Variants in ATP6V1C2 observed in about 807,000 individuals in gnomAD.
ATP6V1C2 encodes V-type proton ATPase subunit C 2.
ATP6V1C2 carries 45 observed loss-of-function variants against 56.8 expected under a neutral mutation model. The ratio of observed to expected loss-of-function variants is 0.79; its 90% CI spans 0.62 to 1.02. ATP6V1C2 has a LOEUF of 1.02. Ranked by LOEUF, ATP6V1C2 falls within the 50% of genes least tolerant of loss-of-function variation. ATP6V1C2 has a pLI of 0.00. For missense variants in ATP6V1C2, 463 were observed against 519.7 expected (o/e 0.89, Z 1.06); for synonymous variants, 220 against 201.3 (o/e 1.09, Z -0.79).
intron 3 of ATP6V1C2, among the ~76,000 whole-genome samples, chr2:10,735,400 C>A (rs911617654): frequency 6.6e-6 from 1 of 152,098 alleles, no homozygotes; most frequent in South Asian, 2.1e-4. Context: ...GAACTCCTGA[C>A]CTCATGTGAT....
At position 10,780,999 on chromosome 2, in the gene ATP6V1C2, G is replaced by GC. The variant is rs770980797; in HGVS notation, c.1062-1238dup. On this transcript the variant is annotated intron_variant, in intron 12 of 13. Coordinates refer to ENST00000272238, the MANE Select transcript of ATP6V1C2 (RefSeq NM_001039362.2). This position sits in a 1 kb window ranked among gnomAD's most constrained non-coding sequence, Gnocchi z 4.1. ...ACCTCAGGTGATCCAGCCTGCCTTGGCCCCCCAAAGTGCTGGGATTACAGG... is the reference window on the plus strand; with the variant it reads ...ACCTCAGGTGATCCAGCCTGCCTTGGCCCCCCCAAAGTGCTGGGATTACAGG... 5.3e-5 allele frequency among the ~76,000 whole-genome samples: 8 copies of GC among 152,112 alleles called. No homozygotes were observed. The highest frequency in any genetic ancestry group is 1.2e-4 in the Non-Finnish European group (8 of 68,028).
rs147882132 is a variant in ATP6V1C2 at position 10,784,969 on chromosome 2, C to G, written c.*1706C>G. 5 of 1,592,844 alleles carry G rather than the reference C, an allele frequency of 3.1e-6. No homozygotes were observed. Among genetic ancestry groups the G allele is most frequent in the African/African-American group, 1.3e-5 (1 of 74,708 alleles). On this transcript the variant is annotated 3_prime_UTR_variant, in exon 14 of 14. Coordinates refer to ENST00000272238, the MANE Select transcript of ATP6V1C2 (RefSeq NM_001039362.2). The stretch of plus-strand genomic sequence containing the variant: ...CTGCCGTCCCAAGGCTCTCTCTCAA[C>G]GATGGTAGGGAAAGCCCCGCCTCCT...
chr2:10,721,392 A>C (rs1661345532), upstream of ATP6V1C2, among the ~76,000 whole-genome samples: 2 of 152,060 alleles, frequency 1.3e-5, no homozygotes, highest in Admixed American at 1.3e-4. Flanking sequence ...GTCGTGCGGC[A>C]GGAGACCCCG....
intron 3 of ATP6V1C2, among the ~76,000 whole-genome samples, chr2:10,742,737 G>A (rs1178848286): frequency 2.6e-5 from 4 of 152,162 alleles, no homozygotes; most frequent in East Asian, 1.9e-4. Flanking sequence ...ACCCCTGAAC[G>A]CCTTGGGGTC....
chr2:10,727,853 G>A (rs932971154), intron 3 of ATP6V1C2, among the ~76,000 whole-genome samples: 6 of 152,086 alleles, frequency 3.9e-5, no homozygotes, highest in South Asian at 2.1e-4. Context: ...GCAGTGAGCC[G>A]AGATCGCGCC....
In ATP6V1C2 at chr2:10,768,755, A is replaced by G. The variant is rs1459165985; in HGVS notation, c.415A>G (p.Thr139Ala). 1.2e-6 allele frequency: 2 copies of G among 1,613,918 alleles called. No individual in the cohort carries two copies. Among genetic ancestry groups the G allele is most frequent in the African/African-American group, 2.7e-5 (2 of 74,932 alleles). ...AQIEMDLKSR[T>A]AAYNTLKTNL... ...GATCGAGATGGACCTGAAGTCCCGA[A>G]CGGCCGCCTACAACACTCTGAAGAC... is the stretch of plus-strand genomic sequence containing the variant. Residue 139 changes from threonine (T) to alanine (A), a missense_variant, in exon 6 of 14, where the codon ACG becomes GCG. Physicochemically the swap from Thr to Ala is moderately conservative, Grantham distance 58 (BLOSUM62 0). Coordinates refer to ENST00000272238, the MANE Select transcript of ATP6V1C2 (RefSeq NM_001039362.2).
chr2:10,743,488 T>A (rs1412991811), intron 3 of ATP6V1C2, among the ~76,000 whole-genome samples: 1 of 152,052 alleles, frequency 6.6e-6, no homozygotes, highest in Non-Finnish European at 1.5e-5. Context: ...TTCCTGTCTT[T>A]TGTAATTACA....
chr2:10,766,048 C>CTG (rs1330535556), intron 5 of ATP6V1C2, among the ~76,000 whole-genome samples: 1 of 152,188 alleles, frequency 6.6e-6, no homozygotes, highest in Non-Finnish European at 1.5e-5. Context: ...GAAGAGGAAG[C>CTG]TGAGGGGTTG....
intron 2 of ATP6V1C2, among the ~76,000 whole-genome samples, chr2:10,723,876 T>A (rs1661495108): frequency 6.6e-6 from 1 of 150,418 alleles, no homozygotes; most frequent in Non-Finnish European, 1.5e-5. Flanking sequence ...ATGTGCAATT[T>A]TTTTCCCCCC....
chr2:10,729,268 A>G (rs1204634451), intron 3 of ATP6V1C2, among the ~76,000 whole-genome samples: 1 of 151,770 alleles, frequency 6.6e-6, no homozygotes, highest in Non-Finnish European at 1.5e-5. Flanking sequence ...AAGTTGAAGC[A>G]ATCTCCTGCC....
At chr2:10,774,724 C>G (rs1184576941) in intron 8 of ATP6V1C2, 64 bp from the exon 9 acceptor site, 2 of 1,463,508 alleles carry the variant, frequency 1.4e-6, no homozygotes, top group Admixed American at 1.7e-5. Context: ...CCCGGGGCCT[C>G]TGAGCCCCAC....
At position 10,726,475 on chromosome 2, in the gene ATP6V1C2, C is replaced by T. The variant is rs116376282; in HGVS notation, c.130-27C>T. On this transcript the variant is annotated intron_variant, in intron 2 of 13. Transcript: ENST00000272238. ...TCATGCTTGGCCAGAAACCTGTGAG[C>T]CTCTGACGTTTTTATGATCTGTCTA... 2,141 of 1,593,844 alleles carry T rather than the reference C, an allele frequency of 1.3e-3. 32 individuals carry two copies. In the African/African-American group the frequency reaches 0.026, roughly 20 times the overall value.
At chr2:10,747,514 T>A (rs1019925384) in intron 3 of ATP6V1C2, among the ~76,000 whole-genome samples, 8 of 152,164 alleles carry the variant, frequency 5.3e-5, no homozygotes, top group African/African-American at 1.9e-4. Context: ...AGGAATGCAA[T>A]ACTGGTACTC....
intron 3 of ATP6V1C2, among the ~76,000 whole-genome samples, chr2:10,744,845 A>AT (rs1319407202): frequency 6.7e-6 from 1 of 148,736 alleles, no homozygotes; most frequent in Non-Finnish European, 1.5e-5. Context: ...ATTTTTTTGT[A>AT]TTTTTTGTAG....
intron 3 of ATP6V1C2, among the ~76,000 whole-genome samples, chr2:10,745,670 G>A (rs991771305): frequency 3.9e-5 from 6 of 152,068 alleles, no homozygotes; most frequent in Admixed American, 1.3e-4. Context: ...GTTCAGTGGC[G>A]TTAAGTACGT....
At chr2:10,772,095 G>A (rs529036477) in intron 7 of ATP6V1C2, among the ~76,000 whole-genome samples, 158 bp downstream of exon 7, 1 of 152,346 alleles carries the variant, frequency 6.6e-6, no homozygotes, top group African/African-American at 2.4e-5. Context: ...GCGGCTGTCA[G>A]TAGGGACAGT....
Position 10,778,631 on chromosome 2 carries a change from C to A in ATP6V1C2, c.1023C>A (p.His341Gln). 6.2e-7 allele frequency: 1 copy of A among 1,614,236 alleles called. No homozygotes were observed. Among genetic ancestry groups the A allele is most frequent in the East Asian group, 2.2e-5 (1 of 44,884 alleles). Residue 341 changes from histidine to glutamine, a missense_variant, in exon 12 of 14, where the codon CAC (histidine) becomes CAA (glutamine). His to Gln is a conservative substitution (Grantham distance 24). Coordinates refer to ENST00000272238, the MANE Select transcript of ATP6V1C2 (RefSeq NM_001039362.2). ...GTGAAGCCTTCATTGCCTGGATCCA[C>A]ATCAAGGCCCTGAGAGTGTTTGTGG... ...NFSEAFIAWIHIKALRVFVES... is the reference protein window; with the variant it reads ...NFSEAFIAWIQIKALRVFVES...
chr2:10,722,303 T>G (rs1018482198), intron 1 of ATP6V1C2, among the ~76,000 whole-genome samples: 2 of 151,078 alleles, frequency 1.3e-5, no homozygotes, highest in Admixed American at 1.3e-4. Context: ...CCCTACTACT[T>G]TTTTTTTTCT....
At chr2:10,746,317 TGCC>T (rs1662910466) in intron 3 of ATP6V1C2, among the ~76,000 whole-genome samples, 1 of 152,152 alleles carries the variant, frequency 6.6e-6, no homozygotes, top group Non-Finnish European at 1.5e-5. Flanking sequence ...TTGTTAATAA[TGCC>T]GCTATGTTTA....
Sources: allele counts gnomAD v4.1 joint callset (sites outside exome capture counted in the v4.1 genomes callset), GRCh38; gene constraint gnomAD v4.1.1; non-coding constraint Gnocchi (gnomAD v3.1); transcripts MANE v1.5; gene names NCBI Gene and HGNC (gene_info 2026-07-23, HGNC 2026-07-21).